The following TENM2 variants were observed in gnomAD, a reference collection of about 807,000 sequenced individuals.
TENM2 encodes teneurin transmembrane protein 2, also known as teneurin-2.
A neutral mutation model predicts 245.2 loss-of-function variants in TENM2; 52 were observed. That is an observed-to-expected ratio of 0.21 (90% CI 0.17 to 0.27). The LOEUF (loss-of-function observed/expected upper bound fraction) is 0.27. TENM2 is among the 10% of genes least tolerant of loss of function. TENM2 has a pLI of 1.00. For missense variants in TENM2, 3,046 were observed against 3,666.8 expected (o/e 0.83, Z 4.37); for synonymous variants, 1,363 against 1,438.9 (o/e 0.95, Z 1.19).
At chr5:167,556,893 C>T (rs1773293894) in intron 2 of TENM2, among the ~76,000 whole-genome samples, 1 of 152,196 alleles carries the variant, frequency 6.6e-6, no homozygotes, top group Admixed American at 6.5e-5. Context: ...AAAGGGTCTT[C>T]TCACAGCAGT....
At chr5:167,882,370 T>A (rs1029634939) in intron 3 of TENM2, among the ~76,000 whole-genome samples, 1 of 152,192 alleles carries the variant, frequency 6.6e-6, no homozygotes, top group African/African-American at 2.4e-5. Context: ...CTTGGAACCA[T>A]TAATGTAGTG....
intron 1 of TENM2, among the ~76,000 whole-genome samples, chr5:167,358,187 GCTGT>G (rs1406759391): frequency 7.2e-5 from 11 of 152,142 alleles, no homozygotes; most frequent in African/African-American, 2.7e-4. Flanking sequence ...TCTCAGAAGA[GCTGT>G]CTATCACATT....
intron 4 of TENM2, among the ~76,000 whole-genome samples, chr5:167,978,204 T>A (rs6890434): frequency 0.35 from 53,592 of 151,894 alleles, 10,134 homozygotes; most frequent in East Asian, 0.47. Flanking sequence ...AGTCTCAGGG[T>A]CTCCTTAATA....
chr5:167,559,705 G>A (rs764462651), intron 2 of TENM2, among the ~76,000 whole-genome samples: 13 of 152,142 alleles, frequency 8.5e-5, no homozygotes, highest in Non-Finnish European at 1.3e-4. Context: ...GGGGCATGGA[G>A]ATATTTCTTA....
chr5:167,223,163 C>A, the TENM2 span, among the ~76,000 whole-genome samples: 26 of 152,184 alleles, frequency 1.7e-4, no homozygotes, highest in African/African-American at 5.1e-4. Context: ...AAGTATTTAT[C>A]ATTTCTATTT....
intron 2 of TENM2, among the ~76,000 whole-genome samples, chr5:167,482,804 G>C (rs1344283519): frequency 6.6e-6 from 1 of 152,120 alleles, no homozygotes; most frequent in East Asian, 1.9e-4. Flanking sequence ...TATTAAGTGA[G>C]GTAATTGACA....
intron 16 of TENM2, 66 bp downstream of exon 18, chr5:168,199,180 C>G: frequency 6.6e-7 from 1 of 1,517,814 alleles, no homozygotes; most frequent in Non-Finnish European, 9.0e-7. Flanking sequence ...TGGACACTGC[C>G]TCTCCCCGAG....
intron 26 of TENM2, 25 bp from the exon 29 acceptor site, chr5:168,246,732 T>G: frequency 6.2e-7 from 1 of 1,607,664 alleles, no homozygotes; most frequent in Non-Finnish European, 8.5e-7. Context: ...AACTGATATG[T>G]TCTGTTCCCC....
At chr5:168,248,468 G>A in intron 27 of TENM2, 97 bp downstream of exon 29, 1 of 1,269,156 alleles carries the variant, frequency 7.9e-7, no homozygotes, top group Non-Finnish European at 1.1e-6. Flanking sequence ...TATGGTAGGA[G>A]AAGCCCATGG....
chr5:167,283,009 C>T (rs1771142396), upstream of TENM2, among the ~76,000 whole-genome samples: 1 of 152,018 alleles, frequency 6.6e-6, no homozygotes, highest in Non-Finnish European at 1.5e-5. Context: ...GAGGCAGCAC[C>T]AAGACTGTGC....
chr5:167,508,165 A>G (rs1769681380), intron 2 of TENM2, among the ~76,000 whole-genome samples: 1 of 152,170 alleles, frequency 6.6e-6, no homozygotes, highest in African/African-American at 2.4e-5. Context: ...ACTTAAAAAC[A>G]ATTGGCTCAC....
At chr5:168,228,296 C>A (rs1764435241) in intron 25 of TENM2, among the ~76,000 whole-genome samples, 166 bp downstream of exon 27, 1 of 152,176 alleles carries the variant, frequency 6.6e-6, no homozygotes, top group Non-Finnish European at 1.5e-5. Context: ...CCCCTTTATT[C>A]CCTGGAAAAG....
chr5:167,564,553 G>A (rs1193592393), intron 2 of TENM2, among the ~76,000 whole-genome samples: 1 of 152,154 alleles, frequency 6.6e-6, no homozygotes, highest in Non-Finnish European at 1.5e-5. Context: ...GGATGTATCA[G>A]TAATTTATTA....
chr5:167,797,098 G>C (rs983356608), intron 2 of TENM2, among the ~76,000 whole-genome samples: 1 of 152,134 alleles, frequency 6.6e-6, no homozygotes, highest in African/African-American at 2.4e-5. Flanking sequence ...CTGCTTGTTA[G>C]TAATCTTAGC....
chr5:167,836,833 A>G (rs915275122), intron 2 of TENM2, among the ~76,000 whole-genome samples: 8 of 152,222 alleles, frequency 5.3e-5, no homozygotes, highest in Non-Finnish European at 8.8e-5. Flanking sequence ...GTAGTTACAT[A>G]AACTACAAAC....
chr5:167,635,770 T>G (rs371296745), intron 2 of TENM2, among the ~76,000 whole-genome samples: 11 of 148,830 alleles, frequency 7.4e-5, no homozygotes, highest in Non-Finnish European at 4.4e-5. Flanking sequence ...TCAGCCTCCC[T>G]AGTAGCTGGG....
chr5:167,848,033 C>T lies in TENM2; in HGVS notation c.503-27953C>T, dbSNP rs566932198. ...ATGTTCATTCTTCTAGCTTTATGTT[C>T]CCTACAGATAAGATGACCGTTTCTC... On this transcript the variant is annotated intron_variant, in intron 2 of 28. Coordinates refer to ENST00000518659, the Ensembl canonical transcript of TENM2. Among the ~76,000 whole-genome samples, 6 of 152,242 alleles carry T rather than the reference C, an allele frequency of 3.9e-5. No homozygotes were observed. In the South Asian group the frequency reaches 1.2e-3, roughly 32 times the overall value.
At chr5:167,177,375 C>A in the TENM2 span, among the ~76,000 whole-genome samples, 2 of 152,180 alleles carry the variant, frequency 1.3e-5, no homozygotes, top group African/African-American at 4.8e-5. Context: ...ATGCAGAAGG[C>A]CAGTTGTTTG....
At chr5:166,979,191 C>CAGCAGCAGCAGCAG in the TENM2 span, among the ~76,000 whole-genome samples, 2 of 85,256 alleles carry the variant, frequency 2.3e-5, no homozygotes, top group African/African-American at 1.1e-4. Context: ...AGCAGCACCA[C>CAGCAGCAGCAGCAG]CACCAGCAGC....
Sources: gnomAD v4.1 joint callset for allele counts (sites outside exome capture counted in the v4.1 genomes callset) on GRCh38, gnomAD v4.1.1 for gene constraint, MANE v1.5 for transcripts, NCBI Gene and HGNC (gene_info 2026-07-23, HGNC 2026-07-21) for gene names.